The following RABL6 variants were observed in gnomAD, a reference collection of about 807,000 sequenced individuals.
RABL6 encodes the protein RAB, member RAS oncogene family like 6, also known as rab-like protein 6.
Under a neutral mutation model 72.9 loss-of-function variants are expected in RABL6, and 28 were observed. That is an observed-to-expected ratio of 0.38 (90% confidence interval 0.28 to 0.53). The LOEUF (loss-of-function observed/expected upper bound fraction) is 0.53, where lower values mean the gene tolerates loss of function less well. Ranked by LOEUF, RABL6 falls within the 20% of genes least tolerant of loss-of-function variation. RABL6 has a pLI of 0.80. For missense variants in RABL6, 1,029 were observed against 1,008.4 expected (o/e 1.02, Z -0.28); for synonymous variants, 477 against 421.2 (o/e 1.13, Z -1.62).
chr9:136,820,200 C>CAAAAAAA, intron 1 of RABL6, among the ~76,000 whole-genome samples: 1 of 77,848 alleles, frequency 1.3e-5, no homozygotes, highest in Non-Finnish European at 2.4e-5. Flanking sequence ...CTCCATCTTC[C>CAAAAAAA]AAAAAAAAAA....
rs763090414 is a variant in RABL6 at position 136,823,525 on chromosome 9, T to C, written c.131T>C (p.Met44Thr). Residue 44 changes from methionine to threonine, a missense_variant and splice_region_variant, in exon 2 of 15, where the codon ATG (methionine) becomes ACG (threonine). Met to Thr is a moderately conservative substitution (Grantham distance 81, BLOSUM62 -1). Transcript: ENST00000311502. ...TTTCTTTTTCTCTTCCCGTCCCCAG[T>C]GAAGATAGTGATCCGGGGAGACAGG... ...RRFAKGVQYN[M>T]KIVIRGDRNT... The C allele has an allele frequency of 1.9e-6, 3 of 1,613,554 alleles. No homozygotes were observed. The highest frequency in any genetic ancestry group is 2.5e-6 in the Non-Finnish European group (3 of 1,179,800).
chr9:136,838,216 C>T (rs965269422), intron 10 of RABL6, among the ~76,000 whole-genome samples: 6 of 152,214 alleles, frequency 3.9e-5, no homozygotes, highest in African/African-American at 7.2e-5. Context: ...AAAGGCCTGG[C>T]CACCTGCTCT....
chr9:136,832,272 G>C lies in RABL6; in HGVS notation c.607G>C (p.Gly203Arg), dbSNP rs1305485601. ...TTTCCTTTCTGAAAGCAGACCTCCAGGTTCCTCCTACTTCCGCTATGCTGA... is the reference window on the plus strand; with the variant it reads ...TTTCCTTTCTGAAAGCAGACCTCCACGTTCCTCCTACTTCCGCTATGCTGA... ...DFIDNLDRPP[G>R]SSYFRYAESS... The change falls in exon 7 of 15, where the codon GGT becomes CGT. Residue 203 changes from glycine (G) to arginine (R), a missense_variant. Coordinates refer to ENST00000311502, the MANE Select transcript of RABL6 (RefSeq NM_024718.5). 2 of 1,613,712 alleles carry C rather than the reference G, an allele frequency of 1.2e-6. No individual in the cohort carries two copies. Among genetic ancestry groups the C allele is most frequent in the Admixed American group, 1.7e-5 (1 of 60,012 alleles).
intron 1 of RABL6, chr9:136,808,783 T>C (rs1847933272): frequency 6.6e-6 from 1 of 152,350 alleles, no homozygotes; most frequent in Non-Finnish European, 1.5e-5. Flanking sequence ...GATTTTTCTT[T>C]GTTGACTTCC....
At chr9:136,838,202 T>G (rs1848619696) in intron 10 of RABL6, among the ~76,000 whole-genome samples, 187 bp downstream of exon 10, 2 of 152,076 alleles carry the variant, frequency 1.3e-5, no homozygotes, top group African/African-American at 4.8e-5. Flanking sequence ...CTTCCAGACA[T>G]CAGAAAGGCC....
chr9:136,816,164 G>GC (rs1848114947), intron 1 of RABL6, among the ~76,000 whole-genome samples: 1 of 152,174 alleles, frequency 6.6e-6, no homozygotes, highest in African/African-American at 2.4e-5. Context: ...GAGTGCAGTG[G>GC]CGCAATCTTG....
At position 136,839,393 on chromosome 9, in the gene RABL6, T is replaced by C. The variant is rs778436473; in HGVS notation, c.1665T>C (p.Ser555=). ...GKGEQASSSE[S]DPEGPIAAQM... ...GTGAGCAGGCCTCCTCGTCGGAGAG[T>C]GACCCCGAGGGACCCATTGCTGCAC... is the stretch of plus-strand genomic sequence containing the variant. The change falls in exon 12 of 15, where the codon AGT becomes AGC. Residue 555 remains serine (S), a synonymous_variant. Transcript: ENST00000311502. The C allele has an allele frequency of 1.1e-5, 18 of 1,612,248 alleles. No homozygotes were observed. The African/African-American group carries it at 2.0e-4, about 18-fold the overall frequency.
At position 136,841,044 on chromosome 9, in the gene RABL6, G is replaced by T. The variant is rs897307569; in HGVS notation, c.*522G>T. The stretch of plus-strand genomic sequence containing the variant: ...AGGCTGGCGAGACCGAAGGCAGCAT[G>T]TGAGGCCTCTCCTGGGAGTGGGGGT... On this transcript the variant is annotated 3_prime_UTR_variant, in exon 15 of 15. Coordinates refer to ENST00000311502, the MANE Select transcript of RABL6 (RefSeq NM_024718.5). 2 of 1,426,844 alleles carry T rather than the reference G, an allele frequency of 1.4e-6. No individual in the cohort carries two copies. The highest frequency in any genetic ancestry group is 2.9e-5 in the African/African-American group (2 of 69,282). The allele number at this position is 1,426,844 out of a possible 1,614,324, so 88.4% of individuals were successfully genotyped here.
Position 136,840,305 on chromosome 9 carries a change from A to G in RABL6, c.1990-17A>G. 6.2e-7 allele frequency: 1 copy of G among 1,602,628 alleles called. No homozygotes were observed. Among genetic ancestry groups the G allele is most frequent in the Non-Finnish European group, 8.5e-7 (1 of 1,174,804 alleles). ...GCTTCCTGTGACTCCATGGCGCCCC[A>G]TCCTTGTGCTCCTCAGGAAGAAGAA... On this transcript the variant is annotated splice_polypyrimidine_tract_variant and intron_variant, in intron 14 of 14. Transcript: ENST00000311502.
At position 136,835,810 on chromosome 9, in the gene RABL6, G is replaced by A. The variant is rs567672936; in HGVS notation, c.774G>A (p.Ser258=). The A allele has an allele frequency of 4.8e-5, 74 of 1,555,248 alleles. No individual in the cohort carries two copies. The highest frequency in any genetic ancestry group is 2.5e-4 in the South Asian group (21 of 84,308). ...TGGACGCCACGCTGGAGGAGCTGTC[G>A]GTGCAGCAGGAGACGGAGGACCAGA... is the stretch of plus-strand genomic sequence containing the variant. ...LDMDATLEEL[S]VQQETEDQNY... The change falls in exon 8 of 15, where the codon TCG becomes TCA. Residue 258 remains serine (S), a synonymous_variant. Transcript: ENST00000311502.
Position 136,834,239 on chromosome 9 carries a change from C to G in RABL6, c.706-1503C>G, listed in dbSNP as rs1027939517. On this transcript the variant is annotated intron_variant, in intron 7 of 14. Coordinates refer to ENST00000311502, the MANE Select transcript of RABL6 (RefSeq NM_024718.5). ...AAAATCAGTTGTTTTTTTAACCTGA[C>G]CGTAGTACCTAATGTAATACCGCAT... 8 of 1,171,614 alleles carry G rather than the reference C, an allele frequency of 6.8e-6. No homozygotes were observed. The South Asian group carries it at 3.0e-4, about 44-fold the overall frequency. 72.6% of individuals were successfully genotyped at this position (1,171,614 alleles called of 1,614,324 possible).
intron 1 of RABL6, chr9:136,812,847 G>T: frequency 3.1e-6 from 1 of 318,102 alleles, no homozygotes. Context: ...AAGCTGCCTC[G>T]CCCACCAAAG....
At chr9:136,812,193 C>CT (rs1490267724) in intron 1 of RABL6, among the ~76,000 whole-genome samples, 1 of 152,188 alleles carries the variant, frequency 6.6e-6, no homozygotes, top group Non-Finnish European at 1.5e-5. Flanking sequence ...TTGTGCAGCT[C>CT]TGATACTGGC....
At chr9:136,832,173 G>T in intron 6 of RABL6, 92 bp from the exon 7 acceptor site, 1 of 1,193,480 alleles carries the variant, frequency 8.4e-7, no homozygotes. Flanking sequence ...AGGAGGGAGG[G>T]CAGTGCGGAC....
intron 1 of RABL6, chr9:136,822,010 G>A: frequency 7.8e-7 from 1 of 1,289,746 alleles, no homozygotes. Flanking sequence ...TAGGATGGGC[G>A]AGGAAATGAA....
At chr9:136,833,921 T>C (rs1281205696) in intron 7 of RABL6, 4 of 1,549,964 alleles carry the variant, frequency 2.6e-6, no homozygotes, top group Non-Finnish European at 2.6e-6. Context: ...TGATTACTCC[T>C]TAGAGAGCTC....
In RABL6 at chr9:136,832,367, T is replaced by C; in HGVS notation, c.702T>C (p.Leu234=). Reference sequence around the variant, plus strand: ...TCTTCAATATCCCATTTTTGCAGCTTCAGGTAAGCACTCACCACGTGGGGT... The same window carrying C: ...TCTTCAATATCCCATTTTTGCAGCTCCAGGTAAGCACTCACCACGTGGGGT... The part of the protein sequence containing the change: ...HKFFNIPFLQ[L]QRETLLRQLE... The change falls in exon 7 of 15, where the codon CTT becomes CTC. Residue 234 remains leucine (L), a synonymous_variant. Coordinates refer to ENST00000311502, the MANE Select transcript of RABL6 (RefSeq NM_024718.5). The C allele has an allele frequency of 6.2e-7, 1 of 1,610,232 alleles. No homozygotes were observed. Among genetic ancestry groups the C allele is most frequent in the Non-Finnish European group, 8.5e-7 (1 of 1,176,514 alleles).
chr9:136,834,345 C>T (rs965034422), intron 7 of RABL6: 9 of 1,000,476 alleles, frequency 9.0e-6, no homozygotes, highest in African/African-American at 1.7e-5. Context: ...AGAGTTCTTC[C>T]AGTCGTCAGA....
intron 1 of RABL6, chr9:136,813,339 C>T (rs1848052857): frequency 1.3e-6 from 1 of 763,020 alleles, no homozygotes; most frequent in Admixed American, 2.1e-5. Flanking sequence ...TAAAAGTTGC[C>T]TTGTCTCAGA....
Sources: allele counts gnomAD v4.1 joint callset (sites outside exome capture counted in the v4.1 genomes callset), GRCh38; gene constraint gnomAD v4.1.1; transcripts MANE v1.5; gene names NCBI Gene and HGNC (gene_info 2026-07-23, HGNC 2026-07-21).